The following PTPRG variants were observed in gnomAD, a reference collection of about 807,000 sequenced individuals.
PTPRG encodes protein tyrosine phosphatase receptor type G, also known as receptor-type tyrosine-protein phosphatase gamma.
PTPRG carries 102 observed loss-of-function variants against 165.3 expected under a neutral mutation model. The observed-to-expected ratio is 0.62, with a 90% confidence interval of 0.53 to 0.73. The LOEUF (loss-of-function observed/expected upper bound fraction) is 0.73. PTPRG is among the 30% of genes least tolerant of loss of function. The probability of loss-of-function intolerance (pLI) is 0.00; values close to 1 mark genes in which losing one functional copy is unlikely to be tolerated. For missense variants in PTPRG, 1,866 were observed against 1,861.4 expected (o/e 1.00, Z -0.05); for synonymous variants, 675 against 669.5 (o/e 1.01, Z -0.13).
intron 5 of PTPRG, among the ~76,000 whole-genome samples, chr3:62,085,093 A>T (rs1199586111): frequency 1.3e-5 from 2 of 152,206 alleles, no homozygotes; most frequent in African/African-American, 4.8e-5. Flanking sequence ...CTTTTTGTAT[A>T]CCACCAACCC....
At chr3:61,757,000 A>G (rs908395793) in intron 2 of PTPRG, among the ~76,000 whole-genome samples, 4 of 152,204 alleles carry the variant, frequency 2.6e-5, no homozygotes, top group African/African-American at 9.7e-5. Context: ...TTTCTGAAAC[A>G]CGTGTGCATG....
At chr3:61,617,055 T>C (rs1004666551) in intron 1 of PTPRG, among the ~76,000 whole-genome samples, 1 of 152,230 alleles carries the variant, frequency 6.6e-6, no homozygotes, top group African/African-American at 2.4e-5. Flanking sequence ...TGTCCGAGGC[T>C]AGCTGCATCC....
chr3:61,710,298 A>G (rs1378115162), intron 1 of PTPRG, among the ~76,000 whole-genome samples: 1 of 152,228 alleles, frequency 6.6e-6, no homozygotes, highest in East Asian at 1.9e-4. Context: ...CCTTATTTAA[A>G]TGATGATAAT....
chr3:61,973,123 A>G (rs1004337837), intron 2 of PTPRG, among the ~76,000 whole-genome samples: 16 of 152,250 alleles, frequency 1.1e-4, no homozygotes, highest in Admixed American at 2.0e-4. Context: ...CTGAGGATAC[A>G]AAGAGAATGA....
At chr3:61,839,324 A>G (rs2036555036) in intron 2 of PTPRG, among the ~76,000 whole-genome samples, 1 of 152,198 alleles carries the variant, frequency 6.6e-6, no homozygotes, top group African/African-American at 2.4e-5. Context: ...ATCTTATTTT[A>G]GATGCACAGA....
At chr3:61,828,608 A>C (rs1043539369) in intron 2 of PTPRG, among the ~76,000 whole-genome samples, 4 of 152,170 alleles carry the variant, frequency 2.6e-5, no homozygotes, top group Admixed American at 6.5e-5. Flanking sequence ...TGCTGTGTGA[A>C]CCCAGAGGAA....
intron 1 of PTPRG, chr3:61,742,394 G>A: frequency 8.3e-7 from 1 of 1,204,578 alleles, no homozygotes; most frequent in Non-Finnish European, 1.1e-6. Flanking sequence ...TTGGGCCTTT[G>A]GGTCTGGAAT....
rs1402874992 is a variant in PTPRG at position 62,207,417 on chromosome 3, G to A, written c.2155+3467G>A. On this transcript the variant is annotated intron_variant, in intron 12 of 29. Transcript: ENST00000474889. ...CCCACATCAGTCAATGATCCTTCAG[G>A]TCTTGCTTCACTTCCATTCACCCTG... Among the ~76,000 whole-genome samples the A allele has an allele frequency of 6.6e-5, 10 of 152,266 alleles. No homozygotes were observed. The East Asian group carries it at 1.5e-3, about 23-fold the overall frequency.
intron 4 of PTPRG, among the ~76,000 whole-genome samples, chr3:62,046,445 T>A (rs781699706): frequency 6.6e-6 from 1 of 152,190 alleles, no homozygotes; most frequent in Non-Finnish European, 1.5e-5. Flanking sequence ...AAGTACCTTA[T>A]GTATACACTT....
chr3:61,984,813 T>A (rs1276987453), intron 2 of PTPRG, among the ~76,000 whole-genome samples: 3 of 152,232 alleles, frequency 2.0e-5, no homozygotes, highest in Non-Finnish European at 4.4e-5. Context: ...TTCTCTGATC[T>A]CTGACAGTGT....
chr3:62,249,028 T>C (rs917067899), intron 15 of PTPRG, among the ~76,000 whole-genome samples: 2 of 152,206 alleles, frequency 1.3e-5, no homozygotes, highest in South Asian at 4.1e-4. Context: ...CATTGGTCTT[T>C]TGACTATAAT....
intron 13 of PTPRG, among the ~76,000 whole-genome samples, chr3:62,227,305 T>A (rs1181479256): frequency 6.6e-6 from 1 of 152,182 alleles, no homozygotes; most frequent in East Asian, 1.9e-4. Flanking sequence ...GGTATAGGTG[T>A]TTGTCCCCTT....
chr3:62,193,450 C>G (rs1300960497), intron 9 of PTPRG, among the ~76,000 whole-genome samples: 1 of 152,066 alleles, frequency 6.6e-6, no homozygotes, highest in African/African-American at 2.4e-5. Flanking sequence ...TGGGGACACA[C>G]AAAATTAATT....
intron 1 of PTPRG, among the ~76,000 whole-genome samples, chr3:61,715,712 G>A (rs1300124675): frequency 6.6e-6 from 1 of 152,114 alleles, no homozygotes; most frequent in African/African-American, 2.4e-5. Context: ...TGAAGCTGCT[G>A]GGAGGATGAG....
At chr3:61,947,798 C>T (rs1473526358) in intron 2 of PTPRG, among the ~76,000 whole-genome samples, 1 of 152,176 alleles carries the variant, frequency 6.6e-6, no homozygotes, top group African/African-American at 2.4e-5. Flanking sequence ...AAAGTCTTAT[C>T]CTTGGACCAG....
chr3:61,959,391 G>A (rs926628707), intron 2 of PTPRG, among the ~76,000 whole-genome samples: 1 of 152,144 alleles, frequency 6.6e-6, no homozygotes, highest in African/African-American at 2.4e-5. Flanking sequence ...ATTTTTCCAT[G>A]GGGGGATGGT....
At position 62,219,550 on chromosome 3, in the gene PTPRG, G is replaced by A. The variant is rs144309450; in HGVS notation, c.2288+567G>A. Among the ~76,000 whole-genome samples the A allele has an allele frequency of 4.3e-4, 65 of 152,350 alleles. No individual in the cohort carries two copies. The highest frequency in any genetic ancestry group is 1.6e-3 in the African/African-American group (65 of 41,586). Reference sequence around the variant, plus strand: ...ACTGCTTCTCATGGGAAGCCAGGTTGCAGCCTCTGTTTAGAAGTTGTGTTT... The same window carrying A: ...ACTGCTTCTCATGGGAAGCCAGGTTACAGCCTCTGTTTAGAAGTTGTGTTT... On this transcript the variant is annotated intron_variant, in intron 13 of 29. Transcript: ENST00000474889. The surrounding 1 kb of genome is among the most constrained non-coding windows in gnomAD (Gnocchi z 4.5).
At chr3:61,933,610 G>A (rs1347261066) in intron 2 of PTPRG, among the ~76,000 whole-genome samples, 1 of 152,126 alleles carries the variant, frequency 6.6e-6, no homozygotes, top group African/African-American at 2.4e-5. Context: ...GCTTTACTTG[G>A]TAGCAATGAC....
At chr3:62,090,812 A>G (rs955142878) in intron 5 of PTPRG, among the ~76,000 whole-genome samples, 21 of 152,160 alleles carry the variant, frequency 1.4e-4, no homozygotes, top group African/African-American at 5.1e-4. Context: ...AGATGCTAAG[A>G]GTCCCTTTGA....
Sources: allele counts gnomAD v4.1 joint callset (sites outside exome capture counted in the v4.1 genomes callset), GRCh38; gene constraint gnomAD v4.1.1; non-coding constraint Gnocchi (gnomAD v3.1); transcripts MANE v1.5; gene names NCBI Gene and HGNC (gene_info 2026-07-23, HGNC 2026-07-21).